Variants in ERC1 observed in about 807,000 individuals in gnomAD.
The protein encoded by ERC1 is ELKS/RAB6-interacting/CAST family member 1, also known as RAB6 interacting protein 2.
Under a neutral mutation model 132.0 loss-of-function variants are expected in ERC1, and 56 were observed. The observed-to-expected ratio is 0.42, with a 90% CI of 0.34 to 0.53. ERC1 has a LOEUF of 0.53. Among genes scored for constraint, ERC1 ranks in the 20% least tolerant of loss-of-function variants. The pLI, the probability that ERC1 is intolerant of heterozygous loss-of-function variation, is 0.03. For synonymous variants in ERC1, 478 were observed against 476.1 expected (o/e 1.00, Z -0.05); for missense variants, 1,202 against 1,349.9 (o/e 0.89, Z 1.72).
chr12:1,427,094 C>G (rs1313003340), intron 17 of ERC1, among the ~76,000 whole-genome samples: 1 of 152,108 alleles, frequency 6.6e-6, no homozygotes, highest in East Asian at 1.9e-4. Flanking sequence ...TTCATCTGCT[C>G]TTTGTGTTCT....
intron 15 of ERC1, among the ~76,000 whole-genome samples, chr12:1,332,485 T>C (rs73036673): frequency 0.022 from 3,360 of 152,352 alleles, 63 homozygotes; most frequent in Non-Finnish European, 0.035. Flanking sequence ...ACTAGATTGA[T>C]TGTGGCACAT....
chr12:1,228,682 T>C (rs1204665081), intron 12 of ERC1, among the ~76,000 whole-genome samples: 2 of 152,176 alleles, frequency 1.3e-5, no homozygotes, highest in Non-Finnish European at 2.9e-5. Flanking sequence ...ATATGGCCTT[T>C]ATTGTTGTGT....
chr12:1,232,052 G>T (rs1365616105), intron 12 of ERC1, among the ~76,000 whole-genome samples: 1 of 151,832 alleles, frequency 6.6e-6, no homozygotes. Context: ...ACTTTCTTAT[G>T]TATAATATTC....
chr12:991,454 G>T, intron 1 of ERC1, 132 bp downstream of exon 1: 1 of 152,860 alleles, frequency 6.5e-6, no homozygotes, highest in South Asian at 1.9e-4. Flanking sequence ...GGCTGGGCAG[G>T]GCAACGCGCC....
rs138004541 is a variant in ERC1 at position 1,025,995 on chromosome 12, C to T, written c.-156-1753C>T. ...TACTTTTAGTGAGATTGGGTTTTGCCGTGTTGGTCAGGCTGGTCTCGAACT... is the reference window on the plus strand; with the variant it reads ...TACTTTTAGTGAGATTGGGTTTTGCTGTGTTGGTCAGGCTGGTCTCGAACT... On this transcript the variant is annotated intron_variant, in intron 1 of 18. Coordinates refer to ENST00000360905, the MANE Select transcript of ERC1 (RefSeq NM_178040.4). Among the ~76,000 whole-genome samples, 30 of 152,056 alleles carry T rather than the reference C, an allele frequency of 2.0e-4. No homozygotes were observed. In the East Asian group the frequency reaches 2.9e-3, roughly 15 times the overall value.
At chr12:1,164,742 G>A (rs1952233601) in intron 8 of ERC1, among the ~76,000 whole-genome samples, 1 of 152,162 alleles carries the variant, frequency 6.6e-6, no homozygotes, top group African/African-American at 2.4e-5. Flanking sequence ...TATGTGAGAT[G>A]GAAGACATTG....
chr12:1,285,979 T>A (rs1379525065), intron 14 of ERC1, among the ~76,000 whole-genome samples: 1 of 152,178 alleles, frequency 6.6e-6, no homozygotes, highest in Non-Finnish European at 1.5e-5. Context: ...CAAGGTTGGC[T>A]TAACAGTAGA....
At chr12:1,021,409 A>G (rs1043577345) in intron 1 of ERC1, among the ~76,000 whole-genome samples, 1 of 151,894 alleles carries the variant, frequency 6.6e-6, no homozygotes, top group African/African-American at 2.4e-5. Flanking sequence ...ACTACTTACT[A>G]TAAAAGTGGT....
At chr12:1,006,358 C>G (rs556307379) in intron 1 of ERC1, among the ~76,000 whole-genome samples, 27 of 152,268 alleles carry the variant, frequency 1.8e-4, no homozygotes, top group African/African-American at 6.5e-4. Context: ...TTCAACCTTC[C>G]AAGTAGCTGG....
chr12:1,061,236 TTTTG>T (rs1937801124), intron 2 of ERC1, among the ~76,000 whole-genome samples: 2 of 152,132 alleles, frequency 1.3e-5, no homozygotes, highest in Non-Finnish European at 2.9e-5. Context: ...TCATTTCAGA[TTTTG>T]TTTGAGTCTT....
intron 17 of ERC1, among the ~76,000 whole-genome samples, chr12:1,422,444 T>C (rs941622926): frequency 6.6e-6 from 1 of 152,184 alleles, no homozygotes; most frequent in Admixed American, 6.5e-5. Flanking sequence ...TGAGAAAGTA[T>C]GGTATTTATC....
At chr12:1,357,613 G>C (rs1412016458) in intron 15 of ERC1, among the ~76,000 whole-genome samples, 1 of 152,122 alleles carries the variant, frequency 6.6e-6, no homozygotes, top group Non-Finnish European at 1.5e-5. Context: ...ATAACAACAG[G>C]TGTACCTTAG....
At chr12:1,212,742 C>T (rs551628923) in intron 12 of ERC1, among the ~76,000 whole-genome samples, 2 of 152,206 alleles carry the variant, frequency 1.3e-5, no homozygotes, top group East Asian at 1.9e-4. Flanking sequence ...AGGTTACACC[C>T]GTGAAAAGGA....
At chr12:1,063,032 T>TC (rs1158235202) in intron 2 of ERC1, among the ~76,000 whole-genome samples, 4 of 152,188 alleles carry the variant, frequency 2.6e-5, no homozygotes, top group African/African-American at 9.6e-5. Flanking sequence ...GCGTCTGGTT[T>TC]CCATTTATGT....
chr12:1,180,294 TGTGCGC>T (rs1566163515), intron 8 of ERC1, among the ~76,000 whole-genome samples: 14 of 129,124 alleles, frequency 1.1e-4, no homozygotes, highest in African/African-American at 6.6e-4. Context: ...CGCGCACGCG[TGTGCGC>T]GCGCGCATAC....
At position 1,495,330 on chromosome 12, in the gene ERC1, CTTTGAGCT is replaced by C; in HGVS notation, c.*5104_*5111del. The C allele has an allele frequency of 4.4e-6, 1 of 228,360 alleles. No homozygotes were observed. The highest frequency in any genetic ancestry group is 8.7e-6 in the Non-Finnish European group (1 of 114,918). 14.1% of individuals were successfully genotyped at this position (228,360 alleles called of 1,614,324 possible). A position where few individuals can be genotyped will look rare whatever the true frequency, so the allele number is the denominator to read the frequency against. On this transcript the variant is annotated 3_prime_UTR_variant, in exon 19 of 19. Coordinates refer to ENST00000360905, the MANE Select transcript of ERC1 (RefSeq NM_178040.4). Reference sequence around the variant, plus strand: ...TGGCTTCAGGCCCTCAATTATTTCCCTTTGAGCTTTTTTAGACCCTAGATCTCCTAGGC... The same window carrying C: ...TGGCTTCAGGCCCTCAATTATTTCCCTTTTTAGACCCTAGATCTCCTAGGC...
chr12:1,440,600 TTGTG>T (rs56749397), intron 17 of ERC1, among the ~76,000 whole-genome samples: 2,983 of 50,828 alleles, frequency 0.059, 186 homozygotes, highest in East Asian at 0.1. Flanking sequence ...CCTCAGCCTT[TTGTG>T]TGTGTGTGTG....
At chr12:1,286,594 C>A (rs891184596) in intron 14 of ERC1, among the ~76,000 whole-genome samples, 3 of 151,972 alleles carry the variant, frequency 2.0e-5, no homozygotes, top group Non-Finnish European at 4.4e-5. Flanking sequence ...CTAGATTATG[C>A]AGCATGGCAA....
chr12:1,367,615 T>A (rs567077203), intron 15 of ERC1, among the ~76,000 whole-genome samples: 5 of 152,300 alleles, frequency 3.3e-5, no homozygotes, highest in South Asian at 2.1e-4. Flanking sequence ...TTCAAAAGCA[T>A]TTTGAGCTCC....
Sources: allele counts gnomAD v4.1 joint callset (sites outside exome capture counted in the v4.1 genomes callset), GRCh38; gene constraint gnomAD v4.1.1; transcripts MANE v1.5; gene names NCBI Gene and HGNC (gene_info 2026-07-23, HGNC 2026-07-21).